CCDC92: variants seen among roughly 807,000 people sequenced by gnomAD.
CCDC92 encodes the protein coiled-coil domain containing 92.
Under a neutral mutation model 24.9 loss-of-function variants are expected in CCDC92, and 12 were observed. The ratio of observed to expected loss-of-function variants is 0.48; its 90% CI spans 0.31 to 0.78. CCDC92 has a LOEUF of 0.78. Ranked by LOEUF, CCDC92 falls within the 30% of genes least tolerant of loss-of-function variation. CCDC92 has a pLI of 0.05. For synonymous variants in CCDC92, 193 were observed against 196.3 expected (o/e 0.98, Z 0.14); for missense variants, 399 against 439.4 (o/e 0.91, Z 0.82).
At chr12:123,962,635 G>C (rs906076647) in intron 1 of CCDC92, 4 of 153,886 alleles carry the variant, frequency 2.6e-5, no homozygotes, top group Admixed American at 6.5e-5. Context: ...TCAGAAGGCG[G>C]AACAGGATGG....
intron 1 of CCDC92, among the ~76,000 whole-genome samples, chr12:123,970,874 T>C (rs917304564): frequency 5.3e-5 from 8 of 152,236 alleles, no homozygotes; most frequent in Non-Finnish European, 4.4e-5. Flanking sequence ...GTTAGTATCG[T>C]TGCAAAGGCA....
At chr12:123,972,382 C>G (rs941815224) in intron 1 of CCDC92, 147 bp downstream of exon 1, 2 of 152,142 alleles carry the variant, frequency 1.3e-5, no homozygotes, top group Non-Finnish European at 2.9e-5. Context: ...ACCCCGTCCC[C>G]CGTCTCCCGG....
At chr12:123,970,631 G>A (rs945283212) in intron 1 of CCDC92, among the ~76,000 whole-genome samples, 2 of 152,236 alleles carry the variant, frequency 1.3e-5, no homozygotes, top group Non-Finnish European at 2.9e-5. Context: ...ACATTGGTGT[G>A]TGAAGATACA....
At chr12:123,943,291 G>A in intron 3 of CCDC92, 56 bp downstream of exon 3, 6 of 1,586,476 alleles carry the variant, frequency 3.8e-6, no homozygotes, top group Non-Finnish European at 5.1e-6. Flanking sequence ...CTGACGCTGG[G>A]CTCTGCCGTG....
intron 1 of CCDC92, among the ~76,000 whole-genome samples, chr12:123,958,873 T>G (rs1956210679): frequency 6.6e-6 from 1 of 152,240 alleles, no homozygotes. Context: ...ATGACAGGCC[T>G]ACATTTTTCC....
chr12:123,948,097 C>T (rs916262768), intron 1 of CCDC92, among the ~76,000 whole-genome samples: 1 of 152,188 alleles, frequency 6.6e-6, no homozygotes, highest in Non-Finnish European at 1.5e-5. Context: ...CCCACCAATT[C>T]CGGACACACT....
intron 1 of CCDC92, chr12:123,968,018 G>C (rs1224543246): frequency 6.6e-6 from 1 of 152,228 alleles, no homozygotes; most frequent in Admixed American, 6.5e-5. Flanking sequence ...TGTAGAAGCA[G>C]AGTATTATGT....
At chr12:123,969,001 G>T (rs1270683486) in intron 1 of CCDC92, among the ~76,000 whole-genome samples, 1 of 152,116 alleles carries the variant, frequency 6.6e-6, no homozygotes, top group African/African-American at 2.4e-5. Flanking sequence ...CTTGTGTATT[G>T]GGCACTCTGG....
At chr12:123,968,842 G>A (rs1425599918) in intron 1 of CCDC92, among the ~76,000 whole-genome samples, 3 of 152,348 alleles carry the variant, frequency 2.0e-5, no homozygotes, top group Admixed American at 2.0e-4. Context: ...GCTAGAGAAC[G>A]AGAGAGTAAC....
At chr12:123,954,032 C>A (rs540716254) in intron 1 of CCDC92, among the ~76,000 whole-genome samples, 20 of 152,248 alleles carry the variant, frequency 1.3e-4, no homozygotes, top group African/African-American at 4.6e-4. Flanking sequence ...TTTAAAAGTT[C>A]TATTTTAGTA....
chr12:123,967,424 AT>A (rs1956419505), intron 1 of CCDC92, among the ~76,000 whole-genome samples: 1 of 152,228 alleles, frequency 6.6e-6, no homozygotes, highest in African/African-American at 2.4e-5. Flanking sequence ...AGATTTGGCT[AT>A]TTTTAAAAAG....
intron 1 of CCDC92, among the ~76,000 whole-genome samples, chr12:123,952,593 T>C (rs1160900858): frequency 3.3e-5 from 5 of 152,226 alleles, no homozygotes; most frequent in Non-Finnish European, 5.9e-5. Flanking sequence ...ACTGGATAAA[T>C]AGTTTTGCAT....
rs1566135523 is a variant in CCDC92, at chr12:123,936,020, T to TTCC, written c.*1035_*1037dup. On this transcript the variant is annotated 3_prime_UTR_variant, in exon 5 of 5. Coordinates refer to ENST00000238156, the MANE Select transcript of CCDC92 (RefSeq NM_025140.3). ...TGAAGTTGTTGAGCTTAGTGTTTAG[T>TTCC]TCCTGCATGAGCTTCTACCCCCAGC... 6.5e-6 allele frequency: 1 copy of TTCC among 153,044 alleles called. No homozygotes were observed. Among genetic ancestry groups the TTCC allele is most frequent in the African/African-American group, 2.4e-5 (1 of 41,460 alleles). 9.5% of individuals were successfully genotyped at this position (153,044 alleles called of 1,614,324 possible). A position where few individuals can be genotyped will look rare whatever the true frequency, so the allele number is the denominator to read the frequency against.
At chr12:123,946,976 C>T (rs1021226451) in intron 1 of CCDC92, among the ~76,000 whole-genome samples, 5 of 152,040 alleles carry the variant, frequency 3.3e-5, no homozygotes, top group South Asian at 2.1e-4. Context: ...GGGCTGCGTG[C>T]GGCGGCGCTT....
chr12:123,943,951 C>T (rs534877230), intron 2 of CCDC92: 19 of 479,454 alleles, frequency 4.0e-5, no homozygotes, highest in South Asian at 1.6e-4. Flanking sequence ...GACCAAATCA[C>T]GCCCAAAAGA....
intron 1 of CCDC92, among the ~76,000 whole-genome samples, chr12:123,967,461 C>G (rs2138212456): frequency 6.6e-6 from 1 of 152,324 alleles, no homozygotes; most frequent in Admixed American, 6.5e-5. Flanking sequence ...ACGCTACTAG[C>G]CACCGAGGCA....
chr12:123,939,567 T>G (rs1012390601), intron 4 of CCDC92, among the ~76,000 whole-genome samples: 10 of 152,248 alleles, frequency 6.6e-5, no homozygotes, highest in Non-Finnish European at 2.9e-5. Flanking sequence ...GAATGGGTAT[T>G]GCCCCATGCA....
chr12:123,946,028 C>CCACCCA (rs1334188593), intron 1 of CCDC92: 1 of 157,028 alleles, frequency 6.4e-6, no homozygotes, highest in Non-Finnish European at 1.4e-5. Context: ...TGGCATCCTG[C>CCACCCA]TTTGAAAGCA....
chr12:123,943,622 G>C (rs1041389349), intron 2 of CCDC92, 129 bp from the exon 3 acceptor site: 2 of 988,036 alleles, frequency 2.0e-6, no homozygotes, highest in Admixed American at 4.0e-5. Context: ...GGCTCCTGAA[G>C]GGCAGGGTGT....
Sources: allele counts gnomAD v4.1 joint callset (sites outside exome capture counted in the v4.1 genomes callset), GRCh38; gene constraint gnomAD v4.1.1; transcripts MANE v1.5; gene names NCBI Gene and HGNC (gene_info 2026-07-23, HGNC 2026-07-21).